Variants in PCLO observed in about 807,000 individuals in gnomAD.
PCLO encodes piccolo presynaptic cytomatrix protein.
Under a neutral mutation model 427.5 loss-of-function variants are expected in PCLO, and 82 were observed. That is an observed-to-expected ratio of 0.19 (90% CI 0.16 to 0.23). PCLO has a LOEUF of 0.23. PCLO is among the 10% of genes least tolerant of loss of function. The pLI is 1.00. For synonymous variants in PCLO, 2,357 were observed against 2,155.4 expected, an observed-to-expected ratio of 1.09 and a Z score of -2.59; for missense variants, 6,239 against 6,115.9, an observed-to-expected ratio of 1.02 and a Z score of -0.67.
chr7:83,081,171 T>G (rs1163037311), intron 3 of PCLO, among the ~76,000 whole-genome samples: 1 of 152,006 alleles, frequency 6.6e-6, no homozygotes, highest in Admixed American at 6.6e-5. Context: ...ATTTTGTAAT[T>G]TTGTGTTCTT....
In PCLO at chr7:82,940,093, T is replaced by G. The variant is rs374529520; in HGVS notation, c.11112+9383A>C. Among the ~76,000 whole-genome samples the G allele has an allele frequency of 3.2e-4, 48 of 152,242 alleles. 2 individuals are homozygous for G. The South Asian group carries it at 8.5e-3, about 27-fold the overall frequency. ...TCTCAGTTCTACACATCCAATGTCA[T>G]GAGAATGGATGTATAAATGAATGGC... On this transcript the variant is annotated intron_variant, in intron 6 of 24. Coordinates refer to ENST00000333891, the MANE Select transcript of PCLO (RefSeq NM_033026.6).
chr7:82,879,296 G>A, intron 10 of PCLO, 41 bp downstream of exon 10: 4 of 1,517,912 alleles, frequency 2.6e-6, no homozygotes, highest in Non-Finnish European at 2.7e-6. Flanking sequence ...TTTAATATGA[G>A]TGCATTCATT....
rs1254115548 is a variant in PCLO, at chr7:82,951,392, C to A, written c.9196G>T (p.Ala3066Ser). ...AGISTPQYST[A>S]RMTPPPGPQY... ...GGTCCTGGTGGTGGTGTCATTCTTG[C>A]TGTGGAATACTGTGGGGTACTAATC... is the stretch of plus-strand genomic sequence containing the variant. Residue 3066 changes from alanine to serine, a missense_variant, in exon 6 of 25, where the codon GCA (alanine) becomes TCA (serine). Physicochemically the swap from Ala to Ser is moderately conservative, Grantham distance 99. Coordinates refer to ENST00000333891, the MANE Select transcript of PCLO (RefSeq NM_033026.6). The A allele has an allele frequency of 4.4e-6, 7 of 1,599,782 alleles. No individual in the cohort carries two copies. The African/African-American group carries it at 8.0e-5, about 18-fold the overall frequency.
intron 16 of PCLO, among the ~76,000 whole-genome samples, chr7:82,833,577 T>A (rs1792151445): frequency 6.6e-6 from 1 of 152,100 alleles, no homozygotes. Flanking sequence ...GGACTCTTAT[T>A]TTAAATTTAA....
At chr7:82,922,699 T>C (rs1053040513) in intron 6 of PCLO, among the ~76,000 whole-genome samples, 2 of 151,988 alleles carry the variant, frequency 1.3e-5, no homozygotes, top group East Asian at 1.9e-4. Flanking sequence ...AATTTACCTA[T>C]GTAACAAACC....
chr7:83,135,174 G>A lies in PCLO; in HGVS notation c.2376C>T (p.Thr792=), dbSNP rs750085293. Residue 792 remains threonine (T), a synonymous_variant, in exon 3 of 25, where the codon ACC becomes ACT. Transcript: ENST00000333891. ...TGGCAGAGTCTGTTTTTAGAGGAGG[G>A]GTTGTTTTCTCTTCAGCTTGTGACT... ...KVQSQAEEKT[T]PPLKTDSAKP... is the part of the protein sequence containing the mutation. The A allele has an allele frequency of 6.2e-7, 1 of 1,613,844 alleles. No homozygotes were observed. Among genetic ancestry groups the A allele is most frequent in the Non-Finnish European group, 8.5e-7 (1 of 1,179,846 alleles).
intron 3 of PCLO, among the ~76,000 whole-genome samples, chr7:83,036,882 C>G (rs2116178979): frequency 6.6e-6 from 1 of 152,184 alleles, no homozygotes; most frequent in African/African-American, 2.4e-5. Flanking sequence ...GACCAAATAG[C>G]TTCATGGACA....
chr7:82,983,702 T>C (rs530440371), intron 3 of PCLO, among the ~76,000 whole-genome samples: 1 of 151,424 alleles, frequency 6.6e-6, no homozygotes, highest in Non-Finnish European at 1.5e-5. Context: ...GGGAATGAAG[T>C]CTTGGACAAG....
At chr7:82,830,593 C>T (rs765770784) in intron 16 of PCLO, among the ~76,000 whole-genome samples, 8 of 151,750 alleles carry the variant, frequency 5.3e-5, no homozygotes, top group Non-Finnish European at 7.4e-5. Context: ...AGTTTTAAAG[C>T]CTCTGTTTTG....
At chr7:83,025,657 T>A (rs903701503) in intron 3 of PCLO, among the ~76,000 whole-genome samples, 1 of 150,818 alleles carries the variant, frequency 6.6e-6, no homozygotes, top group African/African-American at 2.4e-5. Context: ...AATTGTCAGA[T>A]TCACCAAAGT....
intron 6 of PCLO, among the ~76,000 whole-genome samples, chr7:82,920,439 A>G (rs1202598795): frequency 1.3e-5 from 2 of 151,684 alleles, no homozygotes; most frequent in Non-Finnish European, 3.0e-5. Flanking sequence ...AATATACTGG[A>G]TATATAAATT....
At chr7:83,107,986 T>TAAAA (rs58192300) in intron 3 of PCLO, among the ~76,000 whole-genome samples, 1 of 95,400 alleles carries the variant, frequency 1.0e-5, no homozygotes, top group Non-Finnish European at 2.2e-5. Flanking sequence ...AGACTCCGTC[T>TAAAA]AAAAAAAAAA....
intron 3 of PCLO, among the ~76,000 whole-genome samples, chr7:83,024,413 C>T (rs1315755184): frequency 2.0e-5 from 3 of 152,196 alleles, no homozygotes; most frequent in East Asian, 1.9e-4. Flanking sequence ...TAAAAAACGG[C>T]GCAGCACAAG....
In PCLO at chr7:83,001,908, A is replaced by G. The variant is rs552999813; in HGVS notation, c.3301-35421T>C. On this transcript the variant is annotated intron_variant, in intron 3 of 24. Transcript: ENST00000333891. ...TGTCACAGGACTAAGTGACTACATA[A>G]AGGTTTGGGATTCTGAGAGGTGTGA... Among the ~76,000 whole-genome samples, 33 of 152,098 alleles carry G rather than the reference A, an allele frequency of 2.2e-4. 1 individual carries two copies. In the South Asian group the frequency reaches 6.6e-3, roughly 31 times the overall value.
intron 10 of PCLO, among the ~76,000 whole-genome samples, chr7:82,858,844 C>T (rs1792876894): frequency 6.6e-6 from 1 of 151,966 alleles, no homozygotes; most frequent in African/African-American, 2.4e-5. Context: ...ATACTATGCG[C>T]CTATGGATCA....
In PCLO at chr7:82,952,850, C is replaced by T. The variant is rs1419126781; in HGVS notation, c.8103G>A (p.Glu2701=). The T allele has an allele frequency of 1.2e-6, 2 of 1,613,680 alleles. No individual in the cohort carries two copies. The highest frequency in any genetic ancestry group is 1.7e-5 in the Admixed American group (1 of 59,992). ...LSSISITIPP[E]PLALDNIHLE... ...AATGTATGTTATCTAGAGCAAGAGG[C>T]TCTGGAGGAATTGTTATGGAAATGC... The change falls in exon 5 of 25, where the codon GAG becomes GAA. Residue 2701 remains glutamate, a synonymous_variant. Coordinates refer to ENST00000333891, the MANE Select transcript of PCLO (RefSeq NM_033026.6).
At position 82,835,712 on chromosome 7, in the gene PCLO, C is replaced by A. The variant is rs748378376; in HGVS notation, c.14223-19G>T. 4 of 1,603,420 alleles carry A rather than the reference C, an allele frequency of 2.5e-6. No individual in the cohort carries two copies. The highest frequency in any genetic ancestry group is 3.4e-6 in the Non-Finnish European group (4 of 1,173,184). On this transcript the variant is annotated intron_variant, in intron 15 of 24. Transcript: ENST00000333891. The stretch of plus-strand genomic sequence containing the variant: ...GACTTGACTGCATTGATTCCAAGAG[C>A]GAGAGTGAAGGGGTAAAACAGGAAA...
intron 10 of PCLO, among the ~76,000 whole-genome samples, chr7:82,861,647 A>G (rs1792959313): frequency 6.6e-6 from 1 of 152,076 alleles, no homozygotes; most frequent in African/African-American, 2.4e-5. Context: ...AGATATTTAT[A>G]GAACATTTCA....
At chr7:83,022,753 A>G (rs1788376850) in intron 3 of PCLO, among the ~76,000 whole-genome samples, 1 of 152,164 alleles carries the variant, frequency 6.6e-6, no homozygotes, top group African/African-American at 2.4e-5. Flanking sequence ...TTTAAATTAG[A>G]AAAGGTTATA....
Sources: allele counts gnomAD v4.1 joint callset (sites outside exome capture counted in the v4.1 genomes callset), GRCh38; gene constraint gnomAD v4.1.1; transcripts MANE v1.5; gene names NCBI Gene and HGNC (gene_info 2026-07-23, HGNC 2026-07-21).